The following HUWE1 variants were observed in gnomAD, a reference collection of about 807,000 sequenced individuals.
HUWE1 encodes the protein E3 ubiquitin-protein ligase HUWE1.
A neutral mutation model predicts 299.4 loss-of-function variants in HUWE1; 18 were observed. The ratio of observed to expected loss-of-function variants is 0.06; its 90% CI spans 0.04 to 0.09. The LOEUF (loss-of-function observed/expected upper bound fraction) is 0.09. Among genes scored for constraint, HUWE1 ranks in the 10% least tolerant of loss-of-function variants. The pLI is 1.00. For synonymous variants in HUWE1, 1,317 were observed against 1,286.1 expected, an observed-to-expected ratio of 1.02 and a Z score of -0.51; for missense variants, 1,832 against 3,462.3, an observed-to-expected ratio of 0.53 and a Z score of 11.82.
At chrX:53,535,081 C>T (rs183826297) in intron 81 of HUWE1, among the ~76,000 whole-genome samples, 18 of 110,596 alleles carry the variant, frequency 1.6e-4, no homozygotes, top group Admixed American at 4.8e-4. Flanking sequence ...GGACTACAGG[C>T]GCACGCTGCC....
intron 4 of HUWE1, among the ~76,000 whole-genome samples, chrX:53,648,523 T>TAAAAAACAAA (rs200599773): frequency 2.3e-5 from 2 of 86,980 alleles, no homozygotes; most frequent in Non-Finnish European, 3.9e-5. Flanking sequence ...CACCTGGGCT[T>TAAAAAACAAA]AAAAAACAAA....
At chrX:53,639,404 A>G (rs1048025480) in intron 7 of HUWE1, among the ~76,000 whole-genome samples, 3 of 111,658 alleles carry the variant, frequency 2.7e-5, no homozygotes, top group Non-Finnish European at 5.6e-5. Context: ...TAACAAATAT[A>G]AGCATGCATC....
intron 47 of HUWE1, among the ~76,000 whole-genome samples, chrX:53,573,362 C>T (rs1325418382): frequency 8.9e-6 from 1 of 111,881 alleles, no homozygotes; most frequent in Non-Finnish European, 1.9e-5. Flanking sequence ...TCTCTGCCTC[C>T]TGGGTTCAAG....
chrX:53,585,063 T>C lies in HUWE1; in HGVS notation c.4950A>G (p.Arg1650=). The change falls in exon 40 of 84, where the codon CGA becomes CGG. Residue 1650 remains arginine, a synonymous_variant. Coordinates refer to ENST00000262854, the MANE Select transcript of HUWE1 (RefSeq NM_031407.7). ...SAWKSGETSV[R]FTAGRRRYTV... ...TGTATCTTCTTCGGCCTGCAGTGAATCGCACGCTTGTCTCTCCAGATTTCC... is the reference window on the plus strand; with the variant it reads ...TGTATCTTCTTCGGCCTGCAGTGAACCGCACGCTTGTCTCTCCAGATTTCC... 1 of 1,211,895 alleles carries C rather than the reference T, an allele frequency of 8.3e-7. No homozygotes were observed. Among genetic ancestry groups the C allele is most frequent in the African/African-American group, 1.7e-5 (1 of 57,832 alleles).
chrX:53,592,423 T>C lies in HUWE1; in HGVS notation c.3947A>G (p.Gln1316Arg). Residue 1316 changes from glutamine to arginine, a missense_variant, in exon 33 of 84, where the codon CAA (glutamine) becomes CGA (arginine). By Grantham distance (43) the Gln-to-Arg change is conservative (BLOSUM62 1). Around this residue, in one of 15 missense-constraint regions of HUWE1, gnomAD observed 658 missense variants for 1,282.6 expected, o/e 0.51. Coordinates refer to ENST00000262854, the MANE Select transcript of HUWE1 (RefSeq NM_031407.7). ...CTGTTGCAGTTGTTGCTGGTTGACT[T>C]GAGGTTCCCGGCGGGAGCCACCTTC... ...QEEGGSRREP[Q>R]VNQQQLQQLM... is the part of the protein sequence containing the mutation. 1.7e-6 allele frequency: 2 copies of C among 1,209,308 alleles called. No homozygotes were observed. The highest frequency in any genetic ancestry group is 1.8e-5 in the South Asian group (1 of 56,863).
At chrX:53,640,602 C>G (rs1557030205) in intron 7 of HUWE1, among the ~76,000 whole-genome samples, 1 of 111,601 alleles carries the variant, frequency 9.0e-6, no homozygotes, top group African/African-American at 3.3e-5. Flanking sequence ...TGTCAAGATT[C>G]CAAATTCTCC....
Position 53,565,139 on chromosome X carries a change from A to C in HUWE1, c.6808T>G (p.Ser2270Ala). The change falls in exon 50 of 84, where the codon TCT (serine) becomes GCT (alanine). Residue 2270 changes from serine (S) to alanine (A), a missense_variant. This residue lies in a region of HUWE1 where 26 missense variants were observed against 20.7 expected (regional missense o/e 1.26). Transcript: ENST00000262854. ...TCCTGCTCAGACTTGTTCTTGCTAG[A>C]AGCACTCTTGCTGCCAAAAAGGCTA... ...PSSLFGSKSA[S>A]SKNKSEQDAQ... 3 of 1,211,613 alleles carry C rather than the reference A, an allele frequency of 2.5e-6. No individual in the cohort carries two copies. Among genetic ancestry groups the C allele is most frequent in the African/African-American group, 3.5e-5 (2 of 57,815 alleles).
At chrX:53,573,645 G>C in intron 47 of HUWE1, 105 bp downstream of exon 47, 3 of 681,156 alleles carry the variant, frequency 4.4e-6, no homozygotes, top group Admixed American at 2.4e-5. Flanking sequence ...CTCATTACTT[G>C]GGTTAGCACT....
At chrX:53,561,605 CAGAT>C in intron 55 of HUWE1, 147 bp downstream of exon 55, 1 of 810,816 alleles carries the variant, frequency 1.2e-6, no homozygotes, top group Non-Finnish European at 1.8e-6. Context: ...ACTAATGAGA[CAGAT>C]GGATTCAGAT....
At position 53,536,130 on chromosome X, in the gene HUWE1, A is replaced by C; in HGVS notation, c.12531+17T>G. 9.3e-7 allele frequency: 1 copy of C among 1,072,849 alleles called. No homozygotes were observed. The highest frequency in any genetic ancestry group is 1.3e-6 in the Non-Finnish European group (1 of 769,355). 88.4% of individuals were successfully genotyped at this position (1,072,849 alleles called of 1,213,427 possible). ...AGATTGGCTGGGATGTGCTGTGATT[A>C]GGATTTCCTGACCTACCTCAGTGCT... is the stretch of plus-strand genomic sequence containing the variant. On this transcript the variant is annotated intron_variant, in intron 80 of 83. Transcript: ENST00000262854.
chrX:53,537,419 TA>T, intron 78 of HUWE1, 136 bp downstream of exon 78: 1 of 703,189 alleles, frequency 1.4e-6, no homozygotes, highest in Non-Finnish European at 2.2e-6. Context: ...TAAGATTATC[TA>T]AAACCAGATT....
chrX:53,577,965 G>A (rs1375182344), intron 43 of HUWE1, among the ~76,000 whole-genome samples: 12 of 113,786 alleles, frequency 1.1e-4, no homozygotes, highest in South Asian at 3.5e-4. Flanking sequence ...AGTGAGGAGC[G>A]TCTCTGCCTG....
At chrX:53,594,036 G>C (rs1299397910) in intron 31 of HUWE1, among the ~76,000 whole-genome samples, 6 of 110,901 alleles carry the variant, frequency 5.4e-5, no homozygotes, top group African/African-American at 2.0e-4. Flanking sequence ...GGCGGACCTT[G>C]CAGTGAGTTG....
At chrX:53,685,394 G>A (rs782349955) in intron 2 of HUWE1, among the ~76,000 whole-genome samples, 1 of 111,775 alleles carries the variant, frequency 8.9e-6, no homozygotes, top group Non-Finnish European at 1.9e-5. Context: ...TCATGCAGAT[G>A]TTCTTTTATG....
At chrX:53,609,518 T>C (rs1402788865) in intron 23 of HUWE1, among the ~76,000 whole-genome samples, 1 of 112,388 alleles carries the variant, frequency 8.9e-6, no homozygotes, top group African/African-American at 3.2e-5. Flanking sequence ...AGCATGACAG[T>C]TCCTGAACTA....
intron 3 of HUWE1, among the ~76,000 whole-genome samples, chrX:53,668,171 C>T (rs782003491): frequency 7.3e-4 from 81 of 110,625 alleles, no homozygotes; most frequent in African/African-American, 2.5e-3. Context: ...CGGCCGGGCG[C>T]GGTGGCTCAC....
rs377065870 is a variant in HUWE1 at position 53,603,361 on chromosome X, C to G, written c.2876+7G>C. ...CAAAGTAATAAGAGAGAGAGCCATT[C>G]TCTTACCTGTTTGGGGTACACAGAG... On this transcript the variant is annotated splice_region_variant and intron_variant, in intron 27 of 83. Transcript: ENST00000262854. The G allele has an allele frequency of 5.0e-6, 6 of 1,205,871 alleles. No individual in the cohort carries two copies. The African/African-American group carries it at 1.1e-4, about 21-fold the overall frequency.
chrX:53,550,806 G>C (rs201285638), intron 65 of HUWE1, 38 bp from the exon 66 acceptor site: 4 of 1,192,437 alleles, frequency 3.4e-6, no homozygotes. Context: ...ATTGTGGAGA[G>C]GGTGTAAACT....
At chrX:53,655,158 T>TG (rs1271137036) in intron 3 of HUWE1, among the ~76,000 whole-genome samples, 3 of 111,138 alleles carry the variant, frequency 2.7e-5, no homozygotes, top group Non-Finnish European at 5.7e-5. Context: ...AGAAGTGGGT[T>TG]GCAGGCTCTT....
Sources: allele counts gnomAD v4.1 joint callset (sites outside exome capture counted in the v4.1 genomes callset), GRCh38; gene constraint gnomAD v4.1.1; regional missense constraint gnomAD v4.1.1; transcripts MANE v1.5; gene names NCBI Gene and HGNC (gene_info 2026-07-23, HGNC 2026-07-21).